ATP8A2: variants seen among roughly 807,000 people sequenced by gnomAD.
The protein encoded by ATP8A2 is phospholipid-transporting ATPase IB.
In ATP8A2, 100 loss-of-function variants were observed where a neutral mutation model predicts 165.6. That is an observed-to-expected ratio of 0.60 (90% CI 0.51 to 0.71). The LOEUF (loss-of-function observed/expected upper bound fraction) is 0.71, where lower values mean the gene tolerates loss of function less well. ATP8A2 is among the 30% of genes least tolerant of loss of function. The probability of loss-of-function intolerance (pLI) is 0.00; values close to 1 mark genes in which losing one functional copy is unlikely to be tolerated. For missense variants in ATP8A2, 1,227 were observed against 1,479.5 expected (o/e 0.83, Z 2.80); for synonymous variants, 543 against 548.8 (o/e 0.99, Z 0.15).
At chr13:25,699,895 T>C (rs2042914976) in intron 25 of ATP8A2, among the ~76,000 whole-genome samples, 1 of 144,214 alleles carries the variant, frequency 6.9e-6, no homozygotes, top group African/African-American at 2.5e-5. Flanking sequence ...CATTGGCTGC[T>C]GGCTATGTGG....
intron 24 of ATP8A2, among the ~76,000 whole-genome samples, chr13:25,649,354 G>A (rs4405416): frequency 0.014 from 2,186 of 152,250 alleles, 54 homozygotes; most frequent in African/African-American, 0.05. Context: ...CCTCAGATCA[G>A]GCCAGGGTGT....
intron 2 of ATP8A2, among the ~76,000 whole-genome samples, chr13:25,488,330 C>T (rs1004144590): frequency 6.6e-6 from 1 of 152,186 alleles, no homozygotes; most frequent in African/African-American, 2.4e-5. Flanking sequence ...CCTGTTCTTC[C>T]TCCCCGTGCC....
intron 33 of ATP8A2, among the ~76,000 whole-genome samples, chr13:25,934,711 T>C (rs75127093): frequency 6.6e-6 from 1 of 152,122 alleles, no homozygotes; most frequent in African/African-American, 2.4e-5. Flanking sequence ...CCATTCTACC[T>C]GGAGAAGCTC....
rs1225682797 is a variant in ATP8A2 at position 25,406,164 on chromosome 13, TAC to T, written c.76+33878_76+33879del. On this transcript the variant is annotated intron_variant, in intron 1 of 36. Coordinates refer to ENST00000381655, the MANE Select transcript of ATP8A2 (RefSeq NM_016529.6). Reference sequence around the variant, plus strand: ...GACGCTGAAGAAAGAGGTTGACATATACAGTTTCTCAGAAAGAAACATTTAAC... The same window carrying T: ...GACGCTGAAGAAAGAGGTTGACATATAGTTTCTCAGAAAGAAACATTTAAC... 3.9e-5 allele frequency among the ~76,000 whole-genome samples: 6 copies of T among 152,232 alleles called. No individual in the cohort carries two copies. The East Asian group carries it at 1.2e-3, about 29-fold the overall frequency.
At chr13:25,513,834 G>T (rs1025715708) in intron 2 of ATP8A2, among the ~76,000 whole-genome samples, 1 of 152,230 alleles carries the variant, frequency 6.6e-6, no homozygotes, top group Non-Finnish European at 1.5e-5. Flanking sequence ...GCGCGCGCCT[G>T]CAATCGCAGG....
rs988946553 is a variant in ATP8A2, at chr13:26,009,986, A to T, written c.3378-2545A>T. Among the ~76,000 whole-genome samples, 9 of 152,180 alleles carry T rather than the reference A, an allele frequency of 5.9e-5. No individual in the cohort carries two copies. In the East Asian group the frequency reaches 1.7e-3, roughly 29 times the overall value. ...GAGGCTGAGGCAGGAGAATCGCTTG[A>T]ACCTAGTAGGCAGAGGCTGCAGTGA... On this transcript the variant is annotated intron_variant, in intron 35 of 36. Transcript: ENST00000381655.
intron 27 of ATP8A2, among the ~76,000 whole-genome samples, chr13:25,792,529 C>CT (rs2045205741): frequency 6.6e-6 from 1 of 152,154 alleles, no homozygotes; most frequent in African/African-American, 2.4e-5. Context: ...CCGACTACCA[C>CT]TTTCCTGATT....
chr13:25,788,501 G>T (rs979272950), intron 27 of ATP8A2, among the ~76,000 whole-genome samples: 3 of 152,164 alleles, frequency 2.0e-5, no homozygotes, highest in Non-Finnish European at 4.4e-5. Context: ...GCCCACGTTT[G>T]CATGGCTTGA....
At chr13:25,815,735 C>T (rs1420141780) in intron 27 of ATP8A2, among the ~76,000 whole-genome samples, 1 of 152,080 alleles carries the variant, frequency 6.6e-6, no homozygotes, top group Non-Finnish European at 1.5e-5. Flanking sequence ...GTTTTTATAC[C>T]ACTGTTTATA....
chr13:25,415,729 A>T, intron 1 of ATP8A2, among the ~76,000 whole-genome samples: 1 of 152,032 alleles, frequency 6.6e-6, no homozygotes. Context: ...TTGTTTCCTC[A>T]TCTCAATCAA....
At chr13:25,709,395 G>C (rs1475730896) in intron 25 of ATP8A2, among the ~76,000 whole-genome samples, 5 of 152,120 alleles carry the variant, frequency 3.3e-5, no homozygotes, top group Admixed American at 1.3e-4. Context: ...GATGGGTGTG[G>C]TATGAAGATA....
At chr13:25,959,310 G>C (rs776988902) in intron 33 of ATP8A2, among the ~76,000 whole-genome samples, 1 of 152,194 alleles carries the variant, frequency 6.6e-6, no homozygotes, top group Non-Finnish European at 1.5e-5. Flanking sequence ...CACCAGTTGG[G>C]CCACCCAGAT....
intron 1 of ATP8A2, among the ~76,000 whole-genome samples, chr13:25,407,805 C>G (rs1323469674): frequency 6.6e-6 from 1 of 152,112 alleles, no homozygotes; most frequent in Admixed American, 6.5e-5. Flanking sequence ...TTTCCAAAGG[C>G]GATTGCAGTC....
In ATP8A2 at chr13:25,469,007, A is replaced by C; in HGVS notation, c.107A>C (p.Lys36Thr). Residue 36 changes from lysine (K) to threonine (T), a missense_variant, in exon 2 of 37, where the codon AAG becomes ACG. This residue lies in a region of ATP8A2 where 356 missense variants were observed against 394.9 expected (regional missense o/e 0.90). Coordinates refer to ENST00000381655, the MANE Select transcript of ATP8A2 (RefSeq NM_016529.6). ...GPVRSSLGYKKAEDEMSRATS... is the reference protein window; with the variant it reads ...GPVRSSLGYKTAEDEMSRATS... ...GTTCGTTCTTCTTTGGGCTATAAGA[A>C]GGCAGAGGATGAGATGTCCCGGGCC... 1 of 1,614,028 alleles carries C rather than the reference A, an allele frequency of 6.2e-7. No individual in the cohort carries two copies. Among genetic ancestry groups the C allele is most frequent in the Non-Finnish European group, 8.5e-7 (1 of 1,179,892 alleles).
intron 24 of ATP8A2, among the ~76,000 whole-genome samples, chr13:25,646,746 G>C (rs1004459767): frequency 3.3e-5 from 5 of 150,928 alleles, no homozygotes; most frequent in African/African-American, 1.2e-4. Flanking sequence ...GGTAATTATT[G>C]ATAGATAGGC....
chr13:25,961,943 G>A (rs553574533), intron 34 of ATP8A2, among the ~76,000 whole-genome samples: 31 of 152,262 alleles, frequency 2.0e-4, no homozygotes, highest in Admixed American at 5.2e-4. Context: ...AAGATCACTC[G>A]AGCCCAGGTG....
chr13:25,620,900 A>G (rs1011360191), intron 24 of ATP8A2, among the ~76,000 whole-genome samples: 1 of 152,196 alleles, frequency 6.6e-6, no homozygotes, highest in Non-Finnish European at 1.5e-5. Context: ...GTATGAAGCC[A>G]TAGAGAAAGG....
At chr13:25,733,875 C>G (rs762782238) in intron 25 of ATP8A2, among the ~76,000 whole-genome samples, 1 of 152,180 alleles carries the variant, frequency 6.6e-6, no homozygotes, top group Non-Finnish European at 1.5e-5. Flanking sequence ...GTTTAACACC[C>G]TTTGATGTCA....
chr13:25,752,030 C>A (rs916481895), intron 25 of ATP8A2, among the ~76,000 whole-genome samples: 1 of 151,508 alleles, frequency 6.6e-6, no homozygotes, highest in Non-Finnish European at 1.5e-5. Flanking sequence ...CCTATAATCC[C>A]AGCACTTTGG....
Sources: allele counts gnomAD v4.1 joint callset (sites outside exome capture counted in the v4.1 genomes callset), GRCh38; gene constraint gnomAD v4.1.1; regional missense constraint gnomAD v4.1.1; transcripts MANE v1.5; gene names NCBI Gene and HGNC (gene_info 2026-07-23, HGNC 2026-07-21).